The following TRRAP variants were observed in gnomAD, a reference collection of about 807,000 sequenced individuals.
TRRAP encodes the protein transformation/transcription domain associated protein, also known as transformation/transcription domain-associated protein.
In TRRAP, 41 loss-of-function variants were observed where a neutral mutation model predicts 438.8. The observed-to-expected ratio is 0.09, with a 90% CI of 0.07 to 0.12. The LOEUF is 0.12. Among genes scored for constraint, TRRAP ranks in the 10% least tolerant of loss-of-function variants. TRRAP has a pLI of 1.00. For missense variants in TRRAP, 3,122 were observed against 5,055.1 expected, an observed-to-expected ratio of 0.62 and a Z score of 11.60; for synonymous variants, 1,994 against 1,962.9, an observed-to-expected ratio of 1.02 and a Z score of -0.42.
chr7:98,929,018 A>T (rs1374161335), intron 23 of TRRAP, among the ~76,000 whole-genome samples: 1 of 151,090 alleles, frequency 6.6e-6, no homozygotes, highest in Non-Finnish European at 1.5e-5. Context: ...GCTCACTGCA[A>T]CCTCTGCCTC....
chr7:98,936,733 T>C (rs77936542), intron 28 of TRRAP, among the ~76,000 whole-genome samples: 2,554 of 152,258 alleles, frequency 0.017, 33 homozygotes, highest in Non-Finnish European at 0.025. Context: ...CAGTGGGGTC[T>C]CTCTTCTTCC....
At chr7:99,007,335 C>T (rs1661362833) in intron 69 of TRRAP, among the ~76,000 whole-genome samples, 1 of 152,172 alleles carries the variant, frequency 6.6e-6, no homozygotes, top group Non-Finnish European at 1.5e-5. Flanking sequence ...GAGCATTTGG[C>T]AGAGTCTGTT....
chr7:98,982,863 G>A (rs1436216186), intron 59 of TRRAP, among the ~76,000 whole-genome samples: 71 of 152,156 alleles, frequency 4.7e-4, no homozygotes, highest in African/African-American at 7.2e-5. Flanking sequence ...GAAAAGGCAC[G>A]CCTGCAGCAG....
intron 11 of TRRAP, 139 bp downstream of exon 11, chr7:98,900,859 T>C: frequency 1.5e-6 from 1 of 676,616 alleles, no homozygotes; most frequent in South Asian, 2.1e-5. Flanking sequence ...TACATTTCCA[T>C]CAACCTCCAA....
In TRRAP at chr7:98,949,737, G is replaced by A. The variant is rs782565348; in HGVS notation, c.5031G>A (p.Val1677=). The change falls in exon 37 of 73, where the codon GTG becomes GTA. Residue 1677 remains valine (V), a synonymous_variant. Coordinates refer to ENST00000456197, the MANE Select transcript of TRRAP (RefSeq NM_001375524.1). The stretch of plus-strand genomic sequence containing the variant: ...CTCTGGTGAGCCAGTTGCGACGTGT[G>A]TGGGTGAGTGAGAACTTCCAAGAGA... ...QHSLVSQLRR[V]WVSENFQERH... 1.9e-6 allele frequency: 3 copies of A among 1,613,856 alleles called. No individual in the cohort carries two copies. Among genetic ancestry groups the A allele is most frequent in the Non-Finnish European group, 2.5e-6 (3 of 1,180,042 alleles).
intron 67 of TRRAP, among the ~76,000 whole-genome samples, chr7:98,996,466 C>T (rs577428018): frequency 6.6e-6 from 1 of 152,312 alleles, no homozygotes; most frequent in East Asian, 1.9e-4. Flanking sequence ...AGTGTCAGCA[C>T]ATGAGTGATT....
At chr7:98,935,166 T>G (rs10487144) in intron 27 of TRRAP, among the ~76,000 whole-genome samples, 1 of 152,100 alleles carries the variant, frequency 6.6e-6, no homozygotes, top group Non-Finnish European at 1.5e-5. Context: ...CACTTAAATA[T>G]TTGAATTATA....
At chr7:98,978,178 A>T in intron 56 of TRRAP, 33 bp from the exon 57 acceptor site, 3 of 1,550,184 alleles carry the variant, frequency 1.9e-6, no homozygotes, top group Non-Finnish European at 2.7e-6. Context: ...GTTTCTAGTT[A>T]AACAGTGATT....
intron 45 of TRRAP, 127 bp downstream of exon 45, chr7:98,959,617 C>G: frequency 7.2e-7 from 1 of 1,387,736 alleles, no homozygotes; most frequent in South Asian, 1.4e-5. Context: ...AATCTCCTGT[C>G]CCCTTTGCCA....
chr7:98,986,639 C>T (rs971501560), intron 62 of TRRAP, among the ~76,000 whole-genome samples: 3 of 152,136 alleles, frequency 2.0e-5, no homozygotes, highest in Admixed American at 6.5e-5. Flanking sequence ...TATTTTGTCA[C>T]GTTCTGTGGG....
At chr7:98,906,094 G>C in intron 12 of TRRAP, 83 bp from the exon 13 acceptor site, 1 of 1,262,548 alleles carries the variant, frequency 7.9e-7, no homozygotes, top group Non-Finnish European at 1.1e-6. Flanking sequence ...TGGCGGGCTG[G>C]CTACTTCGAA....
intron 65 of TRRAP, among the ~76,000 whole-genome samples, chr7:98,993,072 T>C (rs2116807816): frequency 6.6e-6 from 1 of 152,364 alleles, no homozygotes; most frequent in Admixed American, 6.5e-5. Context: ...TTGGCTTGGC[T>C]TTCCAAACCA....
In TRRAP at chr7:99,011,861, T is replaced by C. The variant is rs1431272420; in HGVS notation, c.11338-210T>C. Among the ~76,000 whole-genome samples the C allele has an allele frequency of 6.6e-5, 10 of 152,224 alleles. No homozygotes were observed. The highest frequency in any genetic ancestry group is 6.5e-4 in the Admixed American group (10 of 15,286). ...CGCGCTGCCCAACACTGAGGCCTTC[T>C]GGCTGCTGCTCCAAGTGGAGGAAGG... On this transcript the variant is annotated intron_variant, in intron 72 of 72. Transcript: ENST00000456197. The surrounding 1 kb of genome is among the most constrained non-coding windows in gnomAD (Gnocchi z 7.1).
chr7:98,949,622 A>G (rs568512711), intron 36 of TRRAP, 38 bp from the exon 37 acceptor site: 2 of 1,595,538 alleles, frequency 1.3e-6, no homozygotes, highest in South Asian at 2.3e-5. Context: ...CAGGGGTTTA[A>G]TCGAGACACG....
At chr7:98,894,492 ATTAT>A (rs1464743271) in intron 6 of TRRAP, among the ~76,000 whole-genome samples, 1 of 152,150 alleles carries the variant, frequency 6.6e-6, no homozygotes, top group Non-Finnish European at 1.5e-5. Context: ...AAAATTAAAA[ATTAT>A]TTATTGAATT....
chr7:98,895,718 C>G (rs1277335611), intron 6 of TRRAP, 46 bp from the exon 7 acceptor site: 22 of 1,494,786 alleles, frequency 1.5e-5, no homozygotes, highest in Non-Finnish European at 2.0e-5. Context: ...TGGGTATTTT[C>G]TGTTTATGAA....
chr7:98,950,339 T>C, intron 38 of TRRAP, 77 bp downstream of exon 38: 1 of 1,521,084 alleles, frequency 6.6e-7, no homozygotes, highest in Non-Finnish European at 9.0e-7. Flanking sequence ...CCCTTTTCTT[T>C]TTTTGCTGTG....
At position 98,978,261 on chromosome 7, in the gene TRRAP, G is replaced by A. The variant is rs775401913; in HGVS notation, c.8436G>A (p.Glu2812=). Residue 2812 remains glutamate, a synonymous_variant, in exon 57 of 73, where the codon GAG becomes GAA. Coordinates refer to ENST00000456197, the MANE Select transcript of TRRAP (RefSeq NM_001375524.1). ...KAMDKAKKEH[E]RSNASPAIFP... is the part of the protein sequence containing the mutation. ...TGGATAAAGCCAAAAAAGAACATGA[G>A]AGGAGTAACGCCTCCCCTGCTATTT... is the stretch of plus-strand genomic sequence containing the variant. 17 of 1,614,058 alleles carry A rather than the reference G, an allele frequency of 1.1e-5. No homozygotes were observed. The highest frequency in any genetic ancestry group is 2.7e-5 in the African/African-American group (2 of 74,948).
At chr7:98,881,588 G>T in intron 2 of TRRAP, 3 of 232,960 alleles carry the variant, frequency 1.3e-5, no homozygotes, top group Non-Finnish European at 2.4e-5. Context: ...AAAAAAAAAA[G>T]AGAAATGCAT....
Sources: allele counts gnomAD v4.1 joint callset (sites outside exome capture counted in the v4.1 genomes callset), GRCh38; gene constraint gnomAD v4.1.1; non-coding constraint Gnocchi (gnomAD v3.1); transcripts MANE v1.5; gene names NCBI Gene and HGNC (gene_info 2026-07-23, HGNC 2026-07-21).